Variants in MAMDC2 observed in about 807,000 individuals in gnomAD.
The protein encoded by MAMDC2 is MAM domain-containing protein 2.
In MAMDC2, 57 loss-of-function variants were observed where a neutral mutation model predicts 89.8. That is an observed-to-expected ratio of 0.63 (90% CI 0.51 to 0.79). The LOEUF (loss-of-function observed/expected upper bound fraction) is 0.79. Among genes scored for constraint, MAMDC2 ranks in the 30% least tolerant of loss-of-function variants. The probability of loss-of-function intolerance (pLI) is 0.00; values close to 1 mark genes in which losing one functional copy is unlikely to be tolerated. For synonymous variants in MAMDC2, 313 were observed against 293.4 expected, an observed-to-expected ratio of 1.07 and a Z score of -0.68; for missense variants, 800 against 820.6, an observed-to-expected ratio of 0.97 and a Z score of 0.31.
In MAMDC2 at chr9:70,074,363, T is replaced by C. The variant is rs149607348; in HGVS notation, c.148+29666T>C. ...GCAGACAGTTAAACCATTTTGAAATTCTTAAGAGATGTATGTTTGAGTCTG... is the reference window on the plus strand; with the variant it reads ...GCAGACAGTTAAACCATTTTGAAATCCTTAAGAGATGTATGTTTGAGTCTG... On this transcript the variant is annotated intron_variant, in intron 2 of 13. Coordinates refer to ENST00000377182, the MANE Select transcript of MAMDC2 (RefSeq NM_153267.5). Among the ~76,000 whole-genome samples the C allele has an allele frequency of 7.2e-3, 1,100 of 152,324 alleles. 9 individuals carry two copies. Among genetic ancestry groups the C allele is most frequent in the African/African-American group, 0.025 (1,057 of 41,570 alleles).
intron 11 of MAMDC2, among the ~76,000 whole-genome samples, chr9:70,192,624 CCTTTAT>C (rs1456894841): frequency 6.6e-6 from 1 of 152,066 alleles, no homozygotes; most frequent in Admixed American, 6.6e-5. Flanking sequence ...TACTTCTTTC[CCTTTAT>C]AAGTCCTCAT....
intron 9 of MAMDC2, among the ~76,000 whole-genome samples, chr9:70,155,895 A>G (rs1355537697): frequency 6.6e-6 from 1 of 152,166 alleles, no homozygotes; most frequent in Non-Finnish European, 1.5e-5. Flanking sequence ...TGAATCTTTT[A>G]TAAGTCATTG....
intron 2 of MAMDC2, among the ~76,000 whole-genome samples, chr9:70,048,416 C>T (rs968890024): frequency 2.6e-5 from 4 of 152,094 alleles, no homozygotes; most frequent in African/African-American, 7.2e-5. Context: ...CTGGGGCATG[C>T]ACCTGTAGTA....
chr9:70,179,942 T>A (rs2032601401), intron 11 of MAMDC2, among the ~76,000 whole-genome samples: 1 of 151,530 alleles, frequency 6.6e-6, no homozygotes, highest in Non-Finnish European at 1.5e-5. Flanking sequence ...CAGGTATACA[T>A]GTGTGATGGT....
chr9:70,134,828 C>T (rs1287908091), intron 7 of MAMDC2, among the ~76,000 whole-genome samples: 1 of 152,188 alleles, frequency 6.6e-6, no homozygotes, highest in East Asian at 1.9e-4. Flanking sequence ...GTCCCACTGC[C>T]TCTCCTACCC....
chr9:70,090,616 T>C (rs1827875933), intron 2 of MAMDC2: 1 of 152,182 alleles, frequency 6.6e-6, no homozygotes, highest in South Asian at 2.1e-4. Context: ...ACTGTATTTA[T>C]GATGATGGGG....
At chr9:70,129,668 T>C (rs1047106562) in intron 6 of MAMDC2, among the ~76,000 whole-genome samples, 2 of 152,208 alleles carry the variant, frequency 1.3e-5, no homozygotes, top group African/African-American at 2.4e-5. Context: ...TTTAATTTTT[T>C]AATTAATTGC....
At position 70,071,677 on chromosome 9, in the gene MAMDC2, A is replaced by T. The variant is rs549824067; in HGVS notation, c.148+26980A>T. 3.0e-4 allele frequency: 46 copies of T among 152,362 alleles called. 1 individual carries two copies. Among genetic ancestry groups the T allele is most frequent in the African/African-American group, 1.1e-3 (46 of 41,588 alleles). The allele number at this position is 152,362 out of a possible 1,614,324, so 9.4% of individuals were successfully genotyped here. A position where few individuals can be genotyped will look rare whatever the true frequency, so the allele number is the denominator to read the frequency against. The stretch of plus-strand genomic sequence containing the variant: ...CCTTTGGGTAATTTTTTACTTCTGC[A>T]GTGGTTGAAAGCATTTCCATTTGGG... On this transcript the variant is annotated intron_variant, in intron 2 of 13. Transcript: ENST00000377182.
chr9:70,067,767 A>G (rs1015682501), intron 2 of MAMDC2, among the ~76,000 whole-genome samples: 1 of 152,130 alleles, frequency 6.6e-6, no homozygotes, highest in African/African-American at 2.4e-5. Context: ...TATGAGGAAA[A>G]CATCTCTTAG....
intron 11 of MAMDC2, among the ~76,000 whole-genome samples, chr9:70,209,904 T>C (rs1283364934): frequency 6.6e-6 from 1 of 152,224 alleles, no homozygotes; most frequent in African/African-American, 2.4e-5. Context: ...CCAATAGTCA[T>C]TCAGGAGCAG....
At chr9:70,197,395 A>C (rs777568046) in intron 11 of MAMDC2, among the ~76,000 whole-genome samples, 1 of 152,148 alleles carries the variant, frequency 6.6e-6, no homozygotes, top group Non-Finnish European at 1.5e-5. Context: ...ATTTGCCAAC[A>C]TACTTGATGA....
In MAMDC2 at chr9:70,080,081, A is replaced by G. The variant is rs183329408; in HGVS notation, c.149-28130A>G. 2.0e-4 allele frequency among the ~76,000 whole-genome samples: 30 copies of G among 152,308 alleles called. No individual in the cohort carries two copies. The East Asian group carries it at 5.4e-3, about 27-fold the overall frequency. On this transcript the variant is annotated intron_variant, in intron 2 of 13. Transcript: ENST00000377182. ...CCATCTCCTGTTTTTGCTTTAATACACTATTGGTTATTTTAAATGACCAAA... is the reference window on the plus strand; with the variant it reads ...CCATCTCCTGTTTTTGCTTTAATACGCTATTGGTTATTTTAAATGACCAAA...
rs777754705 is a variant in MAMDC2 at position 70,225,965 on chromosome 9, C to A, written c.1997-3C>A. The A allele has an allele frequency of 1.3e-6, 2 of 1,565,204 alleles. No individual in the cohort carries two copies. Among genetic ancestry groups the A allele is most frequent in the Non-Finnish European group, 1.7e-6 (2 of 1,147,742 alleles). ...GTTATTGTATATTTGTCTTTCCTGACAGAAATGGAAGATACAACTCAACAA... is the reference window on the plus strand; with the variant it reads ...GTTATTGTATATTTGTCTTTCCTGAAAGAAATGGAAGATACAACTCAACAA... On this transcript the variant is annotated splice_polypyrimidine_tract_variant and splice_region_variant and intron_variant, in intron 13 of 13. Transcript: ENST00000377182.
intron 9 of MAMDC2, among the ~76,000 whole-genome samples, chr9:70,167,507 TATC>T (rs71364582): frequency 0.78 from 118,901 of 151,822 alleles, 46,689 homozygotes; most frequent in Admixed American, 0.83. Flanking sequence ...ACTTCTGTTA[TATC>T]ATCCTTTGTC....
At chr9:70,103,050 G>T (rs910195971) in intron 2 of MAMDC2, among the ~76,000 whole-genome samples, 8 of 152,178 alleles carry the variant, frequency 5.3e-5, no homozygotes, top group East Asian at 1.9e-4. Flanking sequence ...GAGTGGTGGA[G>T]TAAGGACCTC....
chr9:70,213,882 G>A (rs2033400980), intron 11 of MAMDC2, among the ~76,000 whole-genome samples: 1 of 152,180 alleles, frequency 6.6e-6, no homozygotes, highest in Non-Finnish European at 1.5e-5. Flanking sequence ...GATCATCATA[G>A]TCAAGTGCAT....
chr9:70,102,027 T>C (rs1052561756), intron 2 of MAMDC2, among the ~76,000 whole-genome samples: 1 of 152,202 alleles, frequency 6.6e-6, no homozygotes, highest in Admixed American at 6.5e-5. Flanking sequence ...TATATACTTA[T>C]TTAAACATTA....
At chr9:70,052,831 T>C (rs1425393697) in intron 2 of MAMDC2, among the ~76,000 whole-genome samples, 2 of 152,240 alleles carry the variant, frequency 1.3e-5, no homozygotes, top group East Asian at 3.8e-4. Context: ...GCTTATGCTG[T>C]AATTTCCAAA....
chr9:70,141,401 G>A (rs1181710552), intron 8 of MAMDC2, among the ~76,000 whole-genome samples: 1 of 152,178 alleles, frequency 6.6e-6, no homozygotes, highest in African/African-American at 2.4e-5. Context: ...GAATACAATA[G>A]TGAACGAATC....
Sources: allele counts gnomAD v4.1 joint callset (sites outside exome capture counted in the v4.1 genomes callset), GRCh38; gene constraint gnomAD v4.1.1; transcripts MANE v1.5; gene names NCBI Gene and HGNC (gene_info 2026-07-23, HGNC 2026-07-21).